The following ROR2 variants were observed in gnomAD, a reference collection of about 807,000 sequenced individuals.
ROR2 encodes the protein tyrosine-protein kinase transmembrane receptor ROR2.
A neutral mutation model predicts 74.9 loss-of-function variants in ROR2; 33 were observed. The observed-to-expected ratio is 0.44, with a 90% CI of 0.33 to 0.59. The LOEUF is 0.59. Ranked by LOEUF, ROR2 falls within the 20% of genes least tolerant of loss-of-function variation. The pLI, the probability that ROR2 is intolerant of heterozygous loss-of-function variation, is 0.02. For synonymous variants in ROR2, 586 were observed against 558.7 expected, an observed-to-expected ratio of 1.05 and a Z score of -0.69; for missense variants, 1,216 against 1,313.8, an observed-to-expected ratio of 0.93 and a Z score of 1.15.
intron 1 of ROR2, among the ~76,000 whole-genome samples, chr9:91,852,380 T>A (rs2119261517): frequency 6.6e-6 from 1 of 152,378 alleles, no homozygotes; most frequent in African/African-American, 2.4e-5. Flanking sequence ...TAAACTCATG[T>A]GGCTCTTTGC....
intron 1 of ROR2, among the ~76,000 whole-genome samples, chr9:91,939,588 T>C (rs1831794695): frequency 6.6e-6 from 1 of 152,144 alleles, no homozygotes; most frequent in African/African-American, 2.4e-5. Flanking sequence ...ATACTCTGGA[T>C]GTTGATCCCT....
chr9:91,832,200 C>A (rs925172137), intron 1 of ROR2, among the ~76,000 whole-genome samples: 2 of 152,112 alleles, frequency 1.3e-5, no homozygotes, highest in African/African-American at 2.4e-5. Flanking sequence ...AAAAATAATT[C>A]TTAATTCTTC....
chr9:91,949,793 T>C (rs1368324558), intron 1 of ROR2, 74 bp downstream of exon 1: 4 of 946,390 alleles, frequency 4.2e-6, no homozygotes, highest in Non-Finnish European at 6.6e-6. Flanking sequence ...GCCGGGAGCA[T>C]AGTGGCGGCG....
At position 91,723,793 on chromosome 9, in the gene ROR2, G is replaced by A. The variant is rs776978802; in HGVS notation, c.2701C>T (p.Pro901Ser). 3 of 1,613,782 alleles carry A rather than the reference G, an allele frequency of 1.9e-6. No homozygotes were observed. In the South Asian group the frequency reaches 3.3e-5, roughly 18 times the overall value. Residue 901 changes from proline (P) to serine (S), a missense_variant, in exon 9 of 9, where the codon CCA (proline) becomes TCA (serine). Coordinates refer to ENST00000375708, the MANE Select transcript of ROR2 (RefSeq NM_004560.4). Reference protein sequence around the residue: ...SEGADDTQNAPEDGAQSTVQE... With the variant: ...SEGADDTQNASEDGAQSTVQE... ...ACGGTGCTCTGGGCCCCATCTTCTGGGGCGTTCTGTGTGTCATCAGCGCCC... is the reference window on the plus strand; with the variant it reads ...ACGGTGCTCTGGGCCCCATCTTCTGAGGCGTTCTGTGTGTCATCAGCGCCC...
chr9:91,723,173 C>T lies in ROR2; in HGVS notation c.*489G>A, dbSNP rs1381817374. ...TTGGCTGCTAAAGGGAGAATATTCT[C>T]AGCAGGGAGGCAGCAGAAATGGAGC... On this transcript the variant is annotated 3_prime_UTR_variant, in exon 9 of 9. Coordinates refer to ENST00000375708, the MANE Select transcript of ROR2 (RefSeq NM_004560.4). 6.1e-6 allele frequency: 1 copy of T among 163,290 alleles called. No individual in the cohort carries two copies. The highest frequency in any genetic ancestry group is 1.3e-5 in the Non-Finnish European group (1 of 74,438). The allele number at this position is 163,290 out of a possible 1,614,324, so 10.1% of individuals were successfully genotyped here. A position where few individuals can be genotyped will look rare whatever the true frequency, so the allele number is the denominator to read the frequency against.
intron 6 of ROR2, among the ~76,000 whole-genome samples, chr9:91,731,711 T>C (rs1300320292): frequency 1.3e-5 from 2 of 152,080 alleles, no homozygotes; most frequent in South Asian, 4.2e-4. Context: ...GGTCAGGAGT[T>C]CAAGACCAGC....
At chr9:91,781,948 C>A (rs1460158714) in intron 1 of ROR2, among the ~76,000 whole-genome samples, 1 of 152,232 alleles carries the variant, frequency 6.6e-6, no homozygotes, top group Non-Finnish European at 1.5e-5. Context: ...TCTCTGACAG[C>A]CCCCAGAGCC....
At chr9:91,917,349 C>G (rs1220394827) in intron 1 of ROR2, among the ~76,000 whole-genome samples, 1 of 152,084 alleles carries the variant, frequency 6.6e-6, no homozygotes, top group Non-Finnish European at 1.5e-5. Context: ...AAGATACGTG[C>G]AGAGAAACAA....
intron 1 of ROR2, among the ~76,000 whole-genome samples, chr9:91,909,625 T>G (rs1830902361): frequency 6.6e-6 from 1 of 151,542 alleles, no homozygotes; most frequent in African/African-American, 2.4e-5. Flanking sequence ...GTGCTGGGAT[T>G]ACAGGCATGA....
chr9:91,871,322 T>A (rs1448002197), intron 1 of ROR2, among the ~76,000 whole-genome samples: 1 of 152,226 alleles, frequency 6.6e-6, no homozygotes, highest in Non-Finnish European at 1.5e-5. Flanking sequence ...TATCTCATTC[T>A]ATCATTCTCC....
intron 1 of ROR2, among the ~76,000 whole-genome samples, chr9:91,824,060 G>A (rs1587755164): frequency 6.6e-6 from 1 of 152,208 alleles, no homozygotes; most frequent in African/African-American, 2.4e-5. Context: ...GTGTGTCTAA[G>A]TCGATGGGCA....
At chr9:91,770,803 C>A (rs1826202294) in intron 2 of ROR2, among the ~76,000 whole-genome samples, 2 of 152,128 alleles carry the variant, frequency 1.3e-5, no homozygotes, top group African/African-American at 4.8e-5. Context: ...GCCTTGGAGA[C>A]CCTCACTCTA....
intron 2 of ROR2, among the ~76,000 whole-genome samples, chr9:91,766,050 C>T (rs555206942): frequency 5.9e-5 from 9 of 152,274 alleles, no homozygotes; most frequent in African/African-American, 2.2e-4. Context: ...CCTGCATATT[C>T]TCAAGTGTAG....
At chr9:91,747,557 C>T (rs1167670085) in intron 4 of ROR2, among the ~76,000 whole-genome samples, 1 of 152,238 alleles carries the variant, frequency 6.6e-6, no homozygotes, top group Non-Finnish European at 1.5e-5. Flanking sequence ...CAGGACACAC[C>T]TCTTGACCAA....
In ROR2 at chr9:91,723,563, T is replaced by C; in HGVS notation, c.*99A>G. 1 of 1,523,108 alleles carries C rather than the reference T, an allele frequency of 6.6e-7. No homozygotes were observed. Among genetic ancestry groups the C allele is most frequent in the Non-Finnish European group, 8.8e-7 (1 of 1,132,966 alleles). The allele number at this position is 1,523,108 out of a possible 1,614,324, so 94.3% of individuals were successfully genotyped here. A position where few individuals can be genotyped will look rare whatever the true frequency, so the allele number is the denominator to read the frequency against. On this transcript the variant is annotated 3_prime_UTR_variant, in exon 9 of 9. Transcript: ENST00000375708. ...CAAACAAGCCCACTGGCCGGCGGGC[T>C]CTTGTGATTGCTGAGTATGGTGTCT...
At chr9:91,756,005 C>T in intron 4 of ROR2, 66 bp downstream of exon 4, 1 of 1,559,004 alleles carries the variant, frequency 6.4e-7, no homozygotes, top group African/African-American at 1.4e-5. Flanking sequence ...GATTTAAACC[C>T]CGGATTCCTA....
chr9:91,737,296 A>G (rs954977176), intron 5 of ROR2, 95 bp downstream of exon 5: 2 of 1,517,528 alleles, frequency 1.3e-6, no homozygotes, highest in Admixed American at 3.3e-5. Context: ...CCCACTGACC[A>G]TGCCATTAAC....
chr9:91,851,961 G>A (rs1404393210), intron 1 of ROR2, among the ~76,000 whole-genome samples: 1 of 142,550 alleles, frequency 7.0e-6, no homozygotes, highest in African/African-American at 2.8e-5. Flanking sequence ...GGGTGACGGT[G>A]CAAGACTCTG....
intron 1 of ROR2, among the ~76,000 whole-genome samples, chr9:91,792,947 C>A (rs922170038): frequency 1.2e-4 from 19 of 152,124 alleles, no homozygotes; most frequent in Non-Finnish European, 2.5e-4. Flanking sequence ...CAGAAAGGAA[C>A]ACAAAGGACT....
Sources: allele counts gnomAD v4.1 joint callset (sites outside exome capture counted in the v4.1 genomes callset), GRCh38; gene constraint gnomAD v4.1.1; transcripts MANE v1.5; gene names NCBI Gene and HGNC (gene_info 2026-07-23, HGNC 2026-07-21).